Variants in EIF2AK3 observed in about 807,000 individuals in gnomAD.
EIF2AK3 encodes the protein eukaryotic translation initiation factor 2 alpha kinase 3, also known as eukaryotic translation initiation factor 2-alpha kinase 3.
A neutral mutation model predicts 113.5 loss-of-function variants in EIF2AK3; 50 were observed. The observed-to-expected ratio is 0.44, with a 90% CI of 0.35 to 0.56. The LOEUF is 0.56. Ranked by LOEUF, EIF2AK3 falls within the 20% of genes least tolerant of loss-of-function variation. The probability of loss-of-function intolerance (pLI) is 0.00; values close to 1 mark genes in which losing one functional copy is unlikely to be tolerated. For missense variants in EIF2AK3, 1,185 were observed against 1,378.0 expected (o/e 0.86, Z 2.22); for synonymous variants, 448 against 495.4 (o/e 0.90, Z 1.27).
rs186133728 is a variant in EIF2AK3 at position 88,615,402 on chromosome 2, G to A, written c.309-1549C>T. 1.8e-3 allele frequency among the ~76,000 whole-genome samples: 279 copies of A among 152,322 alleles called. 2 individuals carry two copies. Among genetic ancestry groups the A allele is most frequent in the African/African-American group, 6.1e-3 (252 of 41,568 alleles). On this transcript the variant is annotated intron_variant, in intron 1 of 16. Coordinates refer to ENST00000303236, the MANE Select transcript of EIF2AK3 (RefSeq NM_004836.7). ...CATAAGTTGAAACCTAATCCCCAAG[G>A]TGATCATACCAGGAGGTGGGGCTTT...
intron 3 of EIF2AK3, chr2:88,594,002 G>A (rs754454980): frequency 2.0e-5 from 19 of 953,014 alleles, no homozygotes; most frequent in Admixed American, 6.1e-5. Flanking sequence ...TGAGACTACC[G>A]AAGTAAACAG....
At chr2:88,599,125 C>T (rs1461215809) in intron 2 of EIF2AK3, among the ~76,000 whole-genome samples, 1 of 151,922 alleles carries the variant, frequency 6.6e-6, no homozygotes, top group East Asian at 1.9e-4. Flanking sequence ...AAGAGTCTTG[C>T]AGGAGCTCTA....
At chr2:88,594,830 T>TAAAAAAA (rs58582485) in intron 3 of EIF2AK3, among the ~76,000 whole-genome samples, 1 of 115,076 alleles carries the variant, frequency 8.7e-6, no homozygotes, top group Non-Finnish European at 1.7e-5. Flanking sequence ...TGTCAAAATG[T>TAAAAAAA]AAAAAAAAAA....
At chr2:88,605,536 C>A (rs557802012) in intron 2 of EIF2AK3, among the ~76,000 whole-genome samples, 2 of 152,112 alleles carry the variant, frequency 1.3e-5, no homozygotes, top group Non-Finnish European at 2.9e-5. Context: ...TATCAGAAAG[C>A]TCTATCAAGC....
chr2:88,593,511 G>A, intron 3 of EIF2AK3, 106 bp from the exon 4 acceptor site: 1 of 1,362,986 alleles, frequency 7.3e-7, no homozygotes, highest in Non-Finnish European at 1.0e-6. Context: ...GGAAACTAAG[G>A]AAATGTGTAT....
intron 8 of EIF2AK3, among the ~76,000 whole-genome samples, chr2:88,586,621 G>A (rs1674738584): frequency 7.0e-6 from 1 of 142,696 alleles, no homozygotes; most frequent in Non-Finnish European, 1.5e-5. Flanking sequence ...TTTTGAGACA[G>A]GGTCTTGCTC....
At chr2:88,606,436 A>C in intron 2 of EIF2AK3, among the ~76,000 whole-genome samples, 1 of 152,260 alleles carries the variant, frequency 6.6e-6, no homozygotes, top group East Asian at 1.9e-4. Flanking sequence ...ACAAAATTAA[A>C]TTAAAGCACT....
chr2:88,579,234 T>G (rs543647050), intron 11 of EIF2AK3, among the ~76,000 whole-genome samples: 2 of 152,356 alleles, frequency 1.3e-5, no homozygotes, highest in African/African-American at 4.8e-5. Context: ...TAGAATGTTT[T>G]AAAATGCTGC....
intron 11 of EIF2AK3, 76 bp downstream of exon 11, chr2:88,579,442 G>C: frequency 6.3e-7 from 1 of 1,577,426 alleles, no homozygotes. Context: ...ACAGAGTACA[G>C]TAAGAAGGAT....
chr2:88,574,497 A>G (rs915859426), intron 13 of EIF2AK3, 169 bp downstream of exon 13: 2 of 746,504 alleles, frequency 2.7e-6, no homozygotes, highest in Non-Finnish European at 4.3e-6. Context: ...CAGACATAAG[A>G]CTTCTTATTC....
intron 15 of EIF2AK3, among the ~76,000 whole-genome samples, chr2:88,560,072 G>A (rs184732596): frequency 1.3e-3 from 194 of 152,266 alleles, no homozygotes; most frequent in African/African-American, 4.5e-3. Context: ...CACCAGCAAC[G>A]TATGAGGGTT....
At chr2:88,559,599 AAG>A (rs1374463002) in intron 15 of EIF2AK3, among the ~76,000 whole-genome samples, 2 of 149,904 alleles carry the variant, frequency 1.3e-5, no homozygotes, top group African/African-American at 4.9e-5. Context: ...GAGAAAGAGA[AAG>A]GGGAGAGAGA....
At chr2:88,589,966 G>A (rs1017112067) in intron 6 of EIF2AK3, among the ~76,000 whole-genome samples, 1 of 152,144 alleles carries the variant, frequency 6.6e-6, no homozygotes, top group African/African-American at 2.4e-5. Context: ...GGCTGGGCGT[G>A]GTGGCTCATG....
At chr2:88,566,936 C>T (rs1674144982) in intron 14 of EIF2AK3, among the ~76,000 whole-genome samples, 1 of 151,862 alleles carries the variant, frequency 6.6e-6, no homozygotes, top group Admixed American at 6.6e-5. Context: ...TGACAAAGAC[C>T]CTGTCTCAAA....
At chr2:88,618,472 T>C (rs1344787594) in intron 1 of EIF2AK3, among the ~76,000 whole-genome samples, 1 of 152,216 alleles carries the variant, frequency 6.6e-6, no homozygotes. Flanking sequence ...AAAATATGGT[T>C]ATTTCACCTA....
intron 2 of EIF2AK3, among the ~76,000 whole-genome samples, chr2:88,599,778 G>A (rs559726331): frequency 2.0e-5 from 3 of 151,992 alleles, no homozygotes; most frequent in Non-Finnish European, 4.4e-5. Flanking sequence ...AAGCAGTAGC[G>A]GGTCCTTAGG....
In EIF2AK3 at chr2:88,566,681, C is replaced by T. The variant is rs1410676784; in HGVS notation, c.2985+4193G>A. 2.6e-5 allele frequency among the ~76,000 whole-genome samples: 4 copies of T among 152,288 alleles called. No homozygotes were observed. In the East Asian group the frequency reaches 7.7e-4, roughly 29 times the overall value. On this transcript the variant is annotated intron_variant, in intron 14 of 16. Coordinates refer to ENST00000303236, the MANE Select transcript of EIF2AK3 (RefSeq NM_004836.7). ...ATTTCCAGTTGGCCAGGCACAGTGGCTCACGCCTGTAATCCTAGCACTTTG... is the reference window on the plus strand; with the variant it reads ...ATTTCCAGTTGGCCAGGCACAGTGGTTCACGCCTGTAATCCTAGCACTTTG...
intron 14 of EIF2AK3, among the ~76,000 whole-genome samples, chr2:88,565,023 C>A (rs1368372567): frequency 1.3e-5 from 2 of 151,054 alleles, no homozygotes; most frequent in African/African-American, 4.9e-5. Context: ...TTTTTAAAAA[C>A]ACAATTAAAA....
At position 88,579,638 on chromosome 2, in the gene EIF2AK3, T is replaced by G; in HGVS notation, c.1766A>C (p.Tyr589Ser). The G allele has an allele frequency of 6.2e-7, 1 of 1,613,296 alleles. No homozygotes were observed. The highest frequency in any genetic ancestry group is 8.5e-7 in the Non-Finnish European group (1 of 1,179,502). The change falls in exon 11 of 17, where the codon TAT (tyrosine) becomes TCT (serine). Residue 589 changes from tyrosine (Y) to serine (S), a missense_variant and splice_region_variant. Coordinates refer to ENST00000303236, the MANE Select transcript of EIF2AK3 (RefSeq NM_004836.7). The part of the protein sequence containing the change: ...DIKNSGYISR[Y>S]LTDFEPIQCL... The stretch of plus-strand genomic sequence containing the variant: ...TTGAATTGGCTCAAAATCAGTTAGA[T>G]ATCTTTAAAAAGAGATAAAATTTAT...
Sources: gnomAD v4.1 joint callset for allele counts (sites outside exome capture counted in the v4.1 genomes callset) on GRCh38, gnomAD v4.1.1 for gene constraint, MANE v1.5 for transcripts, NCBI Gene and HGNC (gene_info 2026-07-23, HGNC 2026-07-21) for gene names.